Variants in ZSWIM6 observed in about 807,000 individuals in gnomAD.
ZSWIM6 encodes the protein zinc finger SWIM-type containing 6.
Under a neutral mutation model 113.2 loss-of-function variants are expected in ZSWIM6, and 9 were observed. The observed-to-expected ratio is 0.08, with a 90% confidence interval of 0.05 to 0.14. The LOEUF (loss-of-function observed/expected upper bound fraction) is 0.14. Ranked by LOEUF, ZSWIM6 falls within the 10% of genes least tolerant of loss-of-function variation. The probability of loss-of-function intolerance (pLI) is 1.00; values close to 1 mark genes in which losing one functional copy is unlikely to be tolerated. For missense variants in ZSWIM6, 1,162 were observed against 1,552.2 expected (o/e 0.75, Z 4.22); for synonymous variants, 611 against 606.5 (o/e 1.01, Z -0.11).
intron 4 of ZSWIM6, among the ~76,000 whole-genome samples, chr5:61,495,857 T>C (rs902446694): frequency 6.6e-6 from 1 of 152,124 alleles, no homozygotes; most frequent in African/African-American, 2.4e-5. Context: ...AAGGGGATCA[T>C]TTAAGGAAAA....
rs149877690 is a variant in ZSWIM6 at position 61,363,753 on chromosome 5, T to C, written c.676+30805T>C. ...AAGGTTATTAAAAAGGCACACAGTT[T>C]CTCATTTAACATTTTGGTATTAACT... On this transcript the variant is annotated intron_variant, in intron 1 of 13. Transcript: ENST00000252744. Among the ~76,000 whole-genome samples the C allele has an allele frequency of 1.8e-3, 269 of 152,262 alleles. 3 individuals are homozygous for C. Among genetic ancestry groups the C allele is most frequent in the Non-Finnish European group, 2.5e-4 (17 of 68,014 alleles).
rs2112277109 is a variant in ZSWIM6, at chr5:61,531,553, T to C, written c.2073T>C (p.Ala691=). The C allele has an allele frequency of 6.4e-7, 1 of 1,551,704 alleles. No homozygotes were observed. The highest frequency in any genetic ancestry group is 8.7e-7 in the Non-Finnish European group (1 of 1,146,970). The part of the protein sequence containing the change: ...LEEGESYLTL[A]VEVALIGLGQ... The stretch of plus-strand genomic sequence containing the variant: ...AAGGGGAATCCTATTTAACGCTGGC[T>C]GTGGAAGTAGCCCTGATAGGGCTAG... The change falls in exon 9 of 14, where the codon GCT becomes GCC. Residue 691 remains alanine (A), a synonymous_variant. Coordinates refer to ENST00000252744, the MANE Select transcript of ZSWIM6 (RefSeq NM_020928.2).
chr5:61,523,236 T>C (rs1749181590), intron 5 of ZSWIM6, among the ~76,000 whole-genome samples: 1 of 152,112 alleles, frequency 6.6e-6, no homozygotes, highest in Admixed American at 6.5e-5. Flanking sequence ...TGGTGGCCAA[T>C]AGAGTCCAGC....
intron 6 of ZSWIM6, 35 bp from the exon 7 acceptor site, chr5:61,526,215 A>C: frequency 6.6e-7 from 1 of 1,523,684 alleles, no homozygotes; most frequent in Non-Finnish European, 8.8e-7. Context: ...TATATCTGAC[A>C]GTGGCAACTT....
intron 1 of ZSWIM6, among the ~76,000 whole-genome samples, chr5:61,428,003 T>C (rs1746497523): frequency 6.6e-6 from 1 of 152,170 alleles, no homozygotes; most frequent in Non-Finnish European, 1.5e-5. Flanking sequence ...GTTTTCCAGC[T>C]ACTGGAGATG....
At chr5:61,470,771 G>A (rs1472500432) in intron 1 of ZSWIM6, among the ~76,000 whole-genome samples, 1 of 152,102 alleles carries the variant, frequency 6.6e-6, no homozygotes, top group African/African-American at 2.4e-5. Flanking sequence ...CTTGTTTTTA[G>A]GGAATGCTCT....
At chr5:61,527,228 T>G (rs939404340) in intron 7 of ZSWIM6, among the ~76,000 whole-genome samples, 1 of 152,212 alleles carries the variant, frequency 6.6e-6, no homozygotes, top group African/African-American at 2.4e-5. Flanking sequence ...CATGTACATC[T>G]TGTTCCTTCT....
At chr5:61,542,349 T>C (rs1749763928) in intron 13 of ZSWIM6, among the ~76,000 whole-genome samples, 1 of 152,204 alleles carries the variant, frequency 6.6e-6, no homozygotes, top group African/African-American at 2.4e-5. Flanking sequence ...TAGGTGATCC[T>C]CCAGATGTGT....
At position 61,526,368 on chromosome 5, in the gene ZSWIM6, G is replaced by A; in HGVS notation, c.1809G>A (p.Gln603=). 6.4e-7 allele frequency: 1 copy of A among 1,552,072 alleles called. No individual in the cohort carries two copies. The highest frequency in any genetic ancestry group is 8.7e-7 in the Non-Finnish European group (1 of 1,147,048). The change falls in exon 7 of 14, where the codon CAG becomes CAA. Residue 603 remains glutamine, a synonymous_variant. Transcript: ENST00000252744. ...CATTAAGACGACAGCAGCAGAAACA[G>A]TTGGAAATGTTCCGAACCCAAAAAA... is the stretch of plus-strand genomic sequence containing the variant. ...VNTLRRQQQK[Q]LEMFRTQKKE... is the part of the protein sequence containing the mutation.
chr5:61,532,681 A>C (rs1411869596), intron 9 of ZSWIM6, among the ~76,000 whole-genome samples: 1 of 152,210 alleles, frequency 6.6e-6, no homozygotes, highest in Non-Finnish European at 1.5e-5. Context: ...ATGCATTTTA[A>C]AGGGAAAATG....
chr5:61,352,342 T>C (rs948410617), intron 1 of ZSWIM6, among the ~76,000 whole-genome samples: 15 of 152,348 alleles, frequency 9.8e-5, no homozygotes, highest in African/African-American at 3.6e-4. Flanking sequence ...TGTAAATATG[T>C]GTGTGAATAT....
At chr5:61,508,918 C>G (rs937455196) in intron 4 of ZSWIM6, among the ~76,000 whole-genome samples, 12 of 152,134 alleles carry the variant, frequency 7.9e-5, no homozygotes, top group African/African-American at 2.9e-4. Context: ...TTCTAACTTA[C>G]AGAATTGTGA....
At chr5:61,397,333 T>C (rs544954983) in intron 1 of ZSWIM6, among the ~76,000 whole-genome samples, 1 of 152,338 alleles carries the variant, frequency 6.6e-6, no homozygotes, top group Non-Finnish European at 1.5e-5. Context: ...CACTGATAAA[T>C]TAGATTTTAA....
rs1013138333 is a variant in ZSWIM6, at chr5:61,414,926, C to T, written c.677-57755C>T. Among the ~76,000 whole-genome samples, 52 of 152,294 alleles carry T rather than the reference C, an allele frequency of 3.4e-4. 3 individuals are homozygous for T. The highest frequency in any genetic ancestry group is 1.9e-4 in the East Asian group (1 of 5,186). On this transcript the variant is annotated intron_variant, in intron 1 of 13. Transcript: ENST00000252744. The stretch of plus-strand genomic sequence containing the variant: ...GCACCATCTAATCCCTTTCTCTGTG[C>T]TATTTTATCTAAACCCTAATTGTCA...
intron 1 of ZSWIM6, among the ~76,000 whole-genome samples, chr5:61,334,533 T>C (rs1456078565): frequency 6.6e-6 from 1 of 152,226 alleles, no homozygotes; most frequent in Non-Finnish European, 1.5e-5. Context: ...GGGGTCTGGA[T>C]AGGGTCCCCA....
At chr5:61,496,982 T>C (rs896456599) in intron 4 of ZSWIM6, among the ~76,000 whole-genome samples, 5 of 152,042 alleles carry the variant, frequency 3.3e-5, no homozygotes, top group Admixed American at 3.3e-4. Flanking sequence ...GCTACTGTTA[T>C]CAAAGTGGGG....
At chr5:61,446,603 G>A (rs954301221) in intron 1 of ZSWIM6, among the ~76,000 whole-genome samples, 1 of 152,038 alleles carries the variant, frequency 6.6e-6, no homozygotes, top group African/African-American at 2.4e-5. Flanking sequence ...ATCTAGCAGA[G>A]ACAAATATAA....
At chr5:61,461,979 C>T (rs1747332283) in intron 1 of ZSWIM6, among the ~76,000 whole-genome samples, 1 of 152,166 alleles carries the variant, frequency 6.6e-6, no homozygotes. Flanking sequence ...ATCTACCTCA[C>T]TGTTCTTAAA....
intron 1 of ZSWIM6, among the ~76,000 whole-genome samples, chr5:61,343,124 C>T (rs1038628055): frequency 6.6e-6 from 1 of 152,154 alleles, no homozygotes; most frequent in African/African-American, 2.4e-5. Context: ...TTTCTTGTTG[C>T]TGGTAAAGAG....
Sources: allele counts gnomAD v4.1 joint callset (sites outside exome capture counted in the v4.1 genomes callset), GRCh38; gene constraint gnomAD v4.1.1; transcripts MANE v1.5; gene names NCBI Gene and HGNC (gene_info 2026-07-23, HGNC 2026-07-21).